LRRC4C: variants seen among roughly 807,000 people sequenced by gnomAD.
LRRC4C encodes leucine rich repeat containing 4C, also known as leucine-rich repeat-containing protein 4C.
LRRC4C carries 5 observed loss-of-function variants against 33.6 expected under a neutral mutation model. That is an observed-to-expected ratio of 0.15 (90% CI 0.08 to 0.31). LRRC4C has a LOEUF of 0.31. Among genes scored for constraint, LRRC4C ranks in the 10% least tolerant of loss-of-function variants. The pLI is 1.00. For synonymous variants in LRRC4C, 329 were observed against 302.0 expected (o/e 1.09, Z -0.93); for missense variants, 560 against 796.7 (o/e 0.70, Z 3.58).
chr11:41,355,127 C>T (rs75646488), intron 1 of LRRC4C, among the ~76,000 whole-genome samples: 2,878 of 151,982 alleles, frequency 0.019, 82 homozygotes, highest in African/African-American at 0.065. Context: ...GTACAAGGAA[C>T]TCAAACAAAT....
intron 1 of LRRC4C, among the ~76,000 whole-genome samples, chr11:41,045,156 A>G (rs1857685570): frequency 6.6e-6 from 1 of 152,108 alleles, no homozygotes; most frequent in South Asian, 2.1e-4. Context: ...TTTTATGATA[A>G]GGCAAAGAAT....
intron 2 of LRRC4C, among the ~76,000 whole-genome samples, chr11:40,761,793 T>C (rs1311875966): frequency 6.6e-6 from 1 of 152,296 alleles, no homozygotes; most frequent in East Asian, 1.9e-4. Context: ...GGAACAGTAC[T>C]GCGGTTCTGT....
At chr11:40,873,544 C>T (rs889041447) in intron 2 of LRRC4C, among the ~76,000 whole-genome samples, 12 of 152,254 alleles carry the variant, frequency 7.9e-5, no homozygotes, top group African/African-American at 2.2e-4. Flanking sequence ...AGGGGTAAGA[C>T]GTCTGGGACA....
At chr11:40,666,391 G>T (rs888363277) in intron 2 of LRRC4C, among the ~76,000 whole-genome samples, 1 of 152,106 alleles carries the variant, frequency 6.6e-6, no homozygotes, top group Non-Finnish European at 1.5e-5. Context: ...CTTCTAGTAA[G>T]GAGAGAAGGT....
chr11:40,673,571 A>C (rs1184250863), intron 2 of LRRC4C, among the ~76,000 whole-genome samples: 1 of 152,212 alleles, frequency 6.6e-6, no homozygotes, highest in Non-Finnish European at 1.5e-5. Flanking sequence ...AGAATGTGGC[A>C]TGATTACCTT....
chr11:40,670,988 C>T (rs1944072095), intron 2 of LRRC4C, among the ~76,000 whole-genome samples: 1 of 152,192 alleles, frequency 6.6e-6, no homozygotes, highest in African/African-American at 2.4e-5. Context: ...TTGTCTCAAT[C>T]TCCTGACCTC....
At chr11:40,842,559 TCTA>T (rs1213616993) in intron 2 of LRRC4C, among the ~76,000 whole-genome samples, 2 of 152,124 alleles carry the variant, frequency 1.3e-5, no homozygotes, top group African/African-American at 4.8e-5. Context: ...ACAGGTAAAA[TCTA>T]CTCTTTTAGC....
At chr11:40,822,731 C>CA (rs1002588260) in intron 2 of LRRC4C, among the ~76,000 whole-genome samples, 87 of 151,486 alleles carry the variant, frequency 5.7e-4, no homozygotes, top group African/African-American at 2.1e-3. Flanking sequence ...GGTCTTACCC[C>CA]AAAAAAATTT....
intron 3 of LRRC4C, among the ~76,000 whole-genome samples, chr11:40,379,410 G>A (rs1948779793): frequency 6.6e-6 from 1 of 152,074 alleles, no homozygotes. Context: ...CCTATTGTGT[G>A]ATATCTACCT....
chr11:40,243,043 T>C (rs1866043734), intron 4 of LRRC4C, among the ~76,000 whole-genome samples: 1 of 152,210 alleles, frequency 6.6e-6, no homozygotes, highest in South Asian at 2.1e-4. Flanking sequence ...CAAATAACTG[T>C]ATGTGCCTTT....
chr11:40,637,826 C>G (rs530879411), intron 3 of LRRC4C, among the ~76,000 whole-genome samples: 1 of 152,228 alleles, frequency 6.6e-6, no homozygotes, highest in East Asian at 1.9e-4. Flanking sequence ...TCAGTCTATA[C>G]ACATCACAGA....
intron 1 of LRRC4C, among the ~76,000 whole-genome samples, chr11:41,104,656 T>A (rs1941390608): frequency 6.6e-6 from 1 of 151,882 alleles, no homozygotes; most frequent in Non-Finnish European, 1.5e-5. Context: ...CAAAGACTTG[T>A]ATATAAATGT....
At chr11:40,279,161 C>T (rs778305198) in intron 4 of LRRC4C, among the ~76,000 whole-genome samples, 5 of 152,190 alleles carry the variant, frequency 3.3e-5, no homozygotes, top group Non-Finnish European at 7.3e-5. Flanking sequence ...TTTTCAATTA[C>T]ATATGTCAGC....
chr11:40,590,554 C>T (rs1958993211), intron 3 of LRRC4C, among the ~76,000 whole-genome samples: 1 of 152,126 alleles, frequency 6.6e-6, no homozygotes, highest in Non-Finnish European at 1.5e-5. Flanking sequence ...GAGAGGCGCT[C>T]TGCTTTTTAG....
At chr11:40,154,623 T>G (rs1001322379) in intron 5 of LRRC4C, among the ~76,000 whole-genome samples, 1 of 152,166 alleles carries the variant, frequency 6.6e-6, no homozygotes, top group Non-Finnish European at 1.5e-5. Context: ...CATTATGTAA[T>G]GGTAAAAGGC....
At chr11:40,603,824 A>C (rs1345856483) in intron 3 of LRRC4C, among the ~76,000 whole-genome samples, 1 of 152,222 alleles carries the variant, frequency 6.6e-6, no homozygotes, top group Non-Finnish European at 1.5e-5. Context: ...GCTGAAGTGG[A>C]GAGAAGCTGT....
intron 5 of LRRC4C, among the ~76,000 whole-genome samples, chr11:40,219,683 T>A (rs1864258691): frequency 6.8e-6 from 1 of 147,090 alleles, no homozygotes; most frequent in Non-Finnish European, 1.5e-5. Flanking sequence ...AATCCAAATA[T>A]GCAGACATAG....
At chr11:40,155,578 T>A (rs186362749) in intron 5 of LRRC4C, among the ~76,000 whole-genome samples, 1 of 152,242 alleles carries the variant, frequency 6.6e-6, no homozygotes, top group African/African-American at 2.4e-5. Context: ...CATGAATACC[T>A]TTATGCACAT....
intron 1 of LRRC4C, among the ~76,000 whole-genome samples, chr11:40,991,410 A>G (rs1379694980): frequency 2.0e-5 from 3 of 152,160 alleles, no homozygotes. Flanking sequence ...ATAATGTAAC[A>G]CAATGCTCCC....
Sources: gnomAD v4.1 joint callset for allele counts (sites outside exome capture counted in the v4.1 genomes callset) on GRCh38, gnomAD v4.1.1 for gene constraint, MANE v1.5 for transcripts, NCBI Gene and HGNC (gene_info 2026-07-23, HGNC 2026-07-21) for gene names.